The following NCAPD3 variants were observed in gnomAD, a reference collection of about 807,000 sequenced individuals.
The protein encoded by NCAPD3 is non-SMC condensin II complex subunit D3.
A neutral mutation model predicts 182.9 loss-of-function variants in NCAPD3; 105 were observed. The ratio of observed to expected loss-of-function variants is 0.57; its 90% confidence interval spans 0.49 to 0.68. The LOEUF is 0.68. Ranked by LOEUF, NCAPD3 falls within the 30% of genes least tolerant of loss-of-function variation. The pLI, the probability that NCAPD3 is intolerant of heterozygous loss-of-function variation, is 0.00. For synonymous variants in NCAPD3, 815 were observed against 679.9 expected (o/e 1.20, Z -3.09); for missense variants, 1,944 against 1,837.0 (o/e 1.06, Z -1.07).
At chr11:134,197,757 C>T (rs763226313) in intron 13 of NCAPD3, among the ~76,000 whole-genome samples, 1 of 152,154 alleles carries the variant, frequency 6.6e-6, no homozygotes, top group Non-Finnish European at 1.5e-5. Context: ...ATGTAAATTA[C>T]AGCATGGTAA....
At chr11:134,164,930 T>G (rs1031360019) in intron 27 of NCAPD3, among the ~76,000 whole-genome samples, 6 of 146,800 alleles carry the variant, frequency 4.1e-5, no homozygotes, top group Admixed American at 3.4e-4. Context: ...GAGATGAGCT[T>G]AGGGGGAGGG....
rs1309605627 is a variant in NCAPD3 at position 134,163,711 on chromosome 11, A to AG, written c.3574-1821_3574-1820insC. 3.1e-3 allele frequency among the ~76,000 whole-genome samples: 458 copies of AG among 149,934 alleles called. 3 individuals are homozygous for AG. The highest frequency in any genetic ancestry group is 0.01 in the African/African-American group (417 of 40,704). ...GTGATACTGTGTCTCAAAAAAAAAA[A>AG]AAAAAAAAAAGTTAGCCAGGCACAG... On this transcript the variant is annotated intron_variant, in intron 27 of 34. Coordinates refer to ENST00000534548, the MANE Select transcript of NCAPD3 (RefSeq NM_015261.3).
At chr11:134,198,443 G>C (rs1466058517) in intron 13 of NCAPD3, among the ~76,000 whole-genome samples, 1 of 152,138 alleles carries the variant, frequency 6.6e-6, no homozygotes, top group African/African-American at 2.4e-5. Context: ...GTATCTGATT[G>C]ATGTCTGATG....
chr11:134,167,825 ACT>A (rs1197277434), intron 27 of NCAPD3, among the ~76,000 whole-genome samples, 169 bp downstream of exon 27: 3 of 132,198 alleles, frequency 2.3e-5, no homozygotes, highest in Admixed American at 8.4e-5. Flanking sequence ...GGAGCAGCAC[ACT>A]CACTTGTGAG....
intron 17 of NCAPD3, 105 bp downstream of exon 17, chr11:134,185,230 G>C: frequency 2.8e-6 from 3 of 1,053,834 alleles, no homozygotes; most frequent in Non-Finnish European, 4.1e-6. Flanking sequence ...TTAAACAGAA[G>C]GTCTCTGTAT....
At chr11:134,199,738 G>C (rs1031533105) in intron 13 of NCAPD3, among the ~76,000 whole-genome samples, 1 of 152,156 alleles carries the variant, frequency 6.6e-6, no homozygotes, top group Non-Finnish European at 1.5e-5. Context: ...ACACGCACTA[G>C]ACATGTTAAT....
rs143347859 is a variant in NCAPD3 at position 134,164,948 on chromosome 11, CACTT to C, written c.3573+3044_3573+3047del. ...ATGAGCTTAGGGGGAGGGGCACACT[CACTT>C]GTGACATAAGCTTAGGGGAGTGGCA... On this transcript the variant is annotated intron_variant, in intron 27 of 34. Coordinates refer to ENST00000534548, the MANE Select transcript of NCAPD3 (RefSeq NM_015261.3). 2.7e-3 allele frequency among the ~76,000 whole-genome samples: 394 copies of C among 147,752 alleles called. 1 individual carries two copies. The highest frequency in any genetic ancestry group is 5.6e-3 in the Admixed American group (83 of 14,920).
intron 27 of NCAPD3, among the ~76,000 whole-genome samples, chr11:134,166,773 T>TA (rs1943824428): frequency 1.2e-4 from 10 of 83,926 alleles, no homozygotes; most frequent in South Asian, 4.8e-4. Context: ...GAGATGAGCT[T>TA]GGGGGAGGCG....
intron 16 of NCAPD3, among the ~76,000 whole-genome samples, chr11:134,188,666 A>G (rs1178684579): frequency 1.3e-5 from 2 of 152,188 alleles, no homozygotes; most frequent in Non-Finnish European, 2.9e-5. Context: ...TCCTGAAGTC[A>G]GCGAGACCAC....
chr11:134,153,655 C>G (rs1003345599), intron 32 of NCAPD3: 1 of 476,458 alleles, frequency 2.1e-6, no homozygotes, highest in Non-Finnish European at 3.8e-6. Flanking sequence ...CCATCATTGC[C>G]CCTGTCCCGG....
At chr11:134,167,486 TGGG>T (rs1251621281) in intron 27 of NCAPD3, among the ~76,000 whole-genome samples, 2 of 120,870 alleles carry the variant, frequency 1.7e-5, no homozygotes, top group Non-Finnish European at 3.4e-5. Flanking sequence ...GAGATGAGCT[TGGG>T]GGAGGCGCAC....
chr11:134,150,308 T>A lies in NCAPD3; in HGVS notation c.*2636A>T, dbSNP rs1943177473. ...AGGTTAGCTTTGAACTGCCTCTTCC[T>A]GAGATGACTAGGACAGTCTGTACCC... On this transcript the variant is annotated 3_prime_UTR_variant, in exon 35 of 35. Coordinates refer to ENST00000534548, the MANE Select transcript of NCAPD3 (RefSeq NM_015261.3). 6.6e-6 allele frequency: 1 copy of A among 152,384 alleles called. No homozygotes were observed. Among genetic ancestry groups the A allele is most frequent in the Non-Finnish European group, 1.5e-5 (1 of 68,130 alleles). 9.4% of individuals were successfully genotyped at this position (152,384 alleles called of 1,614,324 possible). A position where few individuals can be genotyped will look rare whatever the true frequency, so the allele number is the denominator to read the frequency against.
chr11:134,193,943 C>A, intron 15 of NCAPD3, 73 bp downstream of exon 15: 1 of 1,454,862 alleles, frequency 6.9e-7, no homozygotes, highest in Admixed American at 1.9e-5. Context: ...CGTTTAGCAG[C>A]AGGTAATTAT....
chr11:134,154,826 A>T (rs1329788167), intron 32 of NCAPD3, among the ~76,000 whole-genome samples: 1 of 152,230 alleles, frequency 6.6e-6, no homozygotes, highest in Non-Finnish European at 1.5e-5. Flanking sequence ...TTCAAAGCTC[A>T]TCAGCGCACT....
intron 13 of NCAPD3, among the ~76,000 whole-genome samples, 182 bp downstream of exon 13, chr11:134,202,634 G>A (rs1271163511): frequency 6.6e-6 from 1 of 151,282 alleles, no homozygotes; most frequent in Non-Finnish European, 1.5e-5. Context: ...GCAGGCCTCA[G>A]CCTCCCAAAG....
intron 31 of NCAPD3, 103 bp downstream of exon 31, chr11:134,157,825 A>T: frequency 7.9e-7 from 1 of 1,270,136 alleles, no homozygotes; most frequent in Non-Finnish European, 1.1e-6. Flanking sequence ...TATTTGTTTT[A>T]AAGATAAGAA....
chr11:134,151,467 CTTA>C lies in NCAPD3; in HGVS notation c.*1474_*1476del, dbSNP rs1943233020. The C allele has an allele frequency of 6.6e-6, 1 of 152,210 alleles. No individual in the cohort carries two copies. The highest frequency in any genetic ancestry group is 1.5e-5 in the Non-Finnish European group (1 of 68,044). The allele number at this position is 152,210 out of a possible 1,614,324, so 9.4% of individuals were successfully genotyped here. ...TAGGGTAGCCTTATTGCCCCCTCTT[CTTA>C]TACCCTAAAACCTTCTACACTAGTG... On this transcript the variant is annotated 3_prime_UTR_variant, in exon 35 of 35. Transcript: ENST00000534548.
Position 134,194,654 on chromosome 11 carries a change from A to C in NCAPD3, c.1689+11T>G. 1 of 1,565,928 alleles carries C rather than the reference A, an allele frequency of 6.4e-7. No individual in the cohort carries two copies. Among genetic ancestry groups the C allele is most frequent in the Non-Finnish European group, 8.6e-7 (1 of 1,159,368 alleles). On this transcript the variant is annotated intron_variant, in intron 14 of 34. Coordinates refer to ENST00000534548, the MANE Select transcript of NCAPD3 (RefSeq NM_015261.3). ...TGCTTAAAAAAAAAAATGTGCAGAG[A>C]AAACTCCCACCTGCAGTGCAGACTT...
At chr11:134,189,509 T>A (rs1944480213) in intron 16 of NCAPD3, among the ~76,000 whole-genome samples, 1 of 152,228 alleles carries the variant, frequency 6.6e-6, no homozygotes, top group Non-Finnish European at 1.5e-5. Flanking sequence ...TCACTGGTCT[T>A]TGACCTTCGA....
Sources: gnomAD v4.1 joint callset for allele counts (sites outside exome capture counted in the v4.1 genomes callset) on GRCh38, gnomAD v4.1.1 for gene constraint, MANE v1.5 for transcripts, NCBI Gene and HGNC (gene_info 2026-07-23, HGNC 2026-07-21) for gene names.